The following MTUS2 variants were observed in gnomAD, a reference collection of about 807,000 sequenced individuals.
MTUS2 encodes the protein microtubule-associated tumor suppressor candidate 2.
Under a neutral mutation model 114.1 loss-of-function variants are expected in MTUS2, and 40 were observed. The ratio of observed to expected loss-of-function variants is 0.35; its 90% CI spans 0.27 to 0.46. The LOEUF is 0.46. Ranked by LOEUF, MTUS2 falls within the 20% of genes least tolerant of loss-of-function variation. The pLI is 1.00. For synonymous variants in MTUS2, 688 were observed against 672.0 expected, an observed-to-expected ratio of 1.02 and a Z score of -0.37; for missense variants, 1,679 against 1,705.4, an observed-to-expected ratio of 0.98 and a Z score of 0.27.
chr13:28,903,971 G>T (rs865878842), intron 2 of MTUS2, among the ~76,000 whole-genome samples: 39 of 152,260 alleles, frequency 2.6e-4, no homozygotes, highest in African/African-American at 7.9e-4. Flanking sequence ...GTGTGAGATG[G>T]TATCTCATTG....
chr13:29,171,709 G>A (rs1386627879), intron 5 of MTUS2, among the ~76,000 whole-genome samples: 1 of 152,044 alleles, frequency 6.6e-6, no homozygotes, highest in Non-Finnish European at 1.5e-5. Context: ...GGTAGTCCAG[G>A]GTTTATATGG....
intron 8 of MTUS2, among the ~76,000 whole-genome samples, chr13:29,426,914 A>G (rs1876581865): frequency 6.6e-6 from 1 of 152,162 alleles, no homozygotes; most frequent in South Asian, 2.1e-4. Flanking sequence ...GGGTATACTA[A>G]GCCACCACTT....
intron 2 of MTUS2, among the ~76,000 whole-genome samples, chr13:28,966,281 G>A (rs1883578623): frequency 6.6e-6 from 1 of 152,156 alleles, no homozygotes; most frequent in South Asian, 2.1e-4. Flanking sequence ...CAGCTTGCAA[G>A]AATAGATTCT....
intron 5 of MTUS2, among the ~76,000 whole-genome samples, chr13:29,278,637 A>G (rs565356405): frequency 6.6e-6 from 1 of 152,352 alleles, no homozygotes; most frequent in East Asian, 1.9e-4. Context: ...TCTCTGGTTA[A>G]TGTGAATCGC....
chr13:29,361,109 A>G (rs1344838405), intron 8 of MTUS2, among the ~76,000 whole-genome samples: 2 of 152,172 alleles, frequency 1.3e-5, no homozygotes, highest in African/African-American at 4.8e-5. Flanking sequence ...ATGCACTTCC[A>G]TGTTCCAGGA....
intron 8 of MTUS2, among the ~76,000 whole-genome samples, chr13:29,438,954 T>G (rs555827129): frequency 6.6e-6 from 1 of 152,152 alleles, no homozygotes; most frequent in Non-Finnish European, 1.5e-5. Context: ...GAGAACTGTC[T>G]GGTCACATTC....
At position 29,496,031 on chromosome 13, in the gene MTUS2, A is replaced by G. The variant is rs1437372209; in HGVS notation, c.3580-1207A>G. On this transcript the variant is annotated intron_variant, in intron 12 of 15. Transcript: ENST00000612955. This position sits in a 1 kb window ranked among gnomAD's most constrained non-coding sequence, Gnocchi z 4.3. ...TGATATTACAGAAATGGTCCTGTGC[A>G]AAGAGCTTTGGACTGGTCTGCATGA... Among the ~76,000 whole-genome samples the G allele has an allele frequency of 5.3e-5, 8 of 152,162 alleles. No homozygotes were observed. The highest frequency in any genetic ancestry group is 1.2e-4 in the Non-Finnish European group (8 of 68,028).
At chr13:29,397,839 C>T (rs1250591913) in intron 8 of MTUS2, among the ~76,000 whole-genome samples, 1 of 152,156 alleles carries the variant, frequency 6.6e-6, no homozygotes, top group East Asian at 1.9e-4. Flanking sequence ...TCCTGTACAC[C>T]CTGACTCAAA....
chr13:29,219,385 G>C (rs1210700611), intron 5 of MTUS2, among the ~76,000 whole-genome samples: 3 of 150,392 alleles, frequency 2.0e-5, no homozygotes, highest in Non-Finnish European at 4.4e-5. Flanking sequence ...TTGGACATTT[G>C]GGTTGGTTCC....
chr13:28,963,296 A>G (rs1883418026), intron 2 of MTUS2, among the ~76,000 whole-genome samples: 1 of 152,216 alleles, frequency 6.6e-6, no homozygotes, highest in South Asian at 2.1e-4. Flanking sequence ...AGTTGCAGTG[A>G]GCTGAGATCG....
intron 4 of MTUS2, among the ~76,000 whole-genome samples, chr13:29,081,097 T>A (rs1889421345): frequency 6.6e-6 from 1 of 152,158 alleles, no homozygotes; most frequent in Non-Finnish European, 1.5e-5. Flanking sequence ...TCAAGCAGAT[T>A]GAAAATGTCT....
At chr13:29,069,963 G>A (rs1276101877) in intron 4 of MTUS2, among the ~76,000 whole-genome samples, 1 of 152,184 alleles carries the variant, frequency 6.6e-6, no homozygotes, top group Non-Finnish European at 1.5e-5. Flanking sequence ...ACAAAAAGGG[G>A]ATGTATCCTA....
At chr13:29,460,557 G>A (rs1007013492) in intron 9 of MTUS2, among the ~76,000 whole-genome samples, 17 of 152,148 alleles carry the variant, frequency 1.1e-4, no homozygotes, top group African/African-American at 3.9e-4. Flanking sequence ...CATTTCTGCT[G>A]TGCCATCCAT....
chr13:29,030,120 G>A (rs1399105027), intron 3 of MTUS2, among the ~76,000 whole-genome samples: 1 of 152,094 alleles, frequency 6.6e-6, no homozygotes, highest in Non-Finnish European at 1.5e-5. Context: ...TTTCTTTTCT[G>A]TGTTGTTCTG....
intron 4 of MTUS2, among the ~76,000 whole-genome samples, chr13:29,057,611 A>G (rs982012385): frequency 1.3e-5 from 2 of 152,158 alleles, no homozygotes; most frequent in Non-Finnish European, 2.9e-5. Context: ...TGAAATTAGA[A>G]TAGCAATCTC....
At chr13:29,215,471 G>C (rs1191720432) in intron 5 of MTUS2, among the ~76,000 whole-genome samples, 5 of 65,106 alleles carry the variant, frequency 7.7e-5, no homozygotes, top group Non-Finnish European at 1.3e-4. Flanking sequence ...GCATTTTTTT[G>C]CTGTTTTTTT....
chr13:29,492,106 TG>T (rs1457627011), intron 11 of MTUS2, among the ~76,000 whole-genome samples: 1 of 138,596 alleles, frequency 7.2e-6, no homozygotes, highest in Non-Finnish European at 1.5e-5. Context: ...TAGGTGTGTA[TG>T]TGTGTGGTGT....
At chr13:29,304,588 C>T (rs1202648379) in intron 6 of MTUS2, among the ~76,000 whole-genome samples, 1 of 152,158 alleles carries the variant, frequency 6.6e-6, no homozygotes, top group African/African-American at 2.4e-5. Context: ...GAAGAGCTAA[C>T]TATTCTAAAT....
chr13:28,939,037 A>C lies in MTUS2; in HGVS notation c.-242-85420A>C, dbSNP rs185629138. The stretch of plus-strand genomic sequence containing the variant: ...TTCAGGAATTAACCAAAGTAATCTG[A>C]TACTTCAGCGCTGTAACCACTTTCT... On this transcript the variant is annotated intron_variant, in intron 2 of 15. Transcript: ENST00000612955. Among the ~76,000 whole-genome samples the C allele has an allele frequency of 1.2e-3, 180 of 152,334 alleles. 1 individual carries two copies. The highest frequency in any genetic ancestry group is 2.1e-3 in the Non-Finnish European group (144 of 68,024).
Sources: allele counts gnomAD v4.1 joint callset (sites outside exome capture counted in the v4.1 genomes callset), GRCh38; gene constraint gnomAD v4.1.1; non-coding constraint Gnocchi (gnomAD v3.1); transcripts MANE v1.5; gene names NCBI Gene and HGNC (gene_info 2026-07-23, HGNC 2026-07-21).